SSPN: variants seen among roughly 807,000 people sequenced by gnomAD.
SSPN encodes sarcospan.
In SSPN, 15 loss-of-function variants were observed where a neutral mutation model predicts 19.1. That is an observed-to-expected ratio of 0.78 (90% CI 0.52 to 1.21). The LOEUF (loss-of-function observed/expected upper bound fraction) is 1.21. SSPN is among the 50% of genes most tolerant of loss of function. The pLI, the probability that SSPN is intolerant of heterozygous loss-of-function variation, is 0.00. For synonymous variants in SSPN, 147 were observed against 140.3 expected (o/e 1.05, Z -0.34); for missense variants, 291 against 314.0 (o/e 0.93, Z 0.55).
chr12:26,148,598 A>G (rs760443580), intron 1 of SSPN, among the ~76,000 whole-genome samples: 1 of 152,158 alleles, frequency 6.6e-6, no homozygotes, highest in African/African-American at 2.4e-5. Context: ...TGCATTCTAT[A>G]ATATTTTAAC....
intron 1 of SSPN, among the ~76,000 whole-genome samples, chr12:26,178,347 ATGTG>A (rs138659783): frequency 6.6e-6 from 1 of 150,988 alleles, no homozygotes; most frequent in South Asian, 2.1e-4. Flanking sequence ...GACTAAATGT[ATGTG>A]TGTGTGTGTG....
In SSPN at chr12:26,122,147, G is replaced by A. The variant is rs1280797423; in HGVS notation, c.-36G>A. On this transcript the variant is annotated 5_prime_UTR_variant, in exon 1 of 3. Coordinates refer to the SSPN transcript ENST00000538142. ...TCCCCGGCTCGCGGGGCCCGGCGAA[G>A]GGCAGGTGGGTGCGGCCGTGCGGGT... 3 of 1,547,406 alleles carry A rather than the reference G, an allele frequency of 1.9e-6. No individual in the cohort carries two copies. The South Asian group carries it at 3.6e-5, about 18-fold the overall frequency.
At chr12:26,209,644 TG>T (rs34732990) in intron 1 of SSPN, among the ~76,000 whole-genome samples, 38,320 of 151,980 alleles carry the variant, frequency 0.25, 5,083 homozygotes, top group Admixed American at 0.37. Flanking sequence ...TTGTTACTGA[TG>T]TTATTTTCAC....
intron 2 of SSPN, among the ~76,000 whole-genome samples, chr12:26,226,164 G>T (rs1427148463): frequency 6.6e-6 from 1 of 152,056 alleles, no homozygotes; most frequent in Non-Finnish European, 1.5e-5. Flanking sequence ...CTCTAAGGTT[G>T]CATGCTACAT....
chr12:26,160,216 CAT>C (rs1345816608), intron 1 of SSPN, among the ~76,000 whole-genome samples: 5 of 152,206 alleles, frequency 3.3e-5, no homozygotes, highest in Non-Finnish European at 5.9e-5. Context: ...AATCCAATAA[CAT>C]AGGGTGACTC....
intron 1 of SSPN, among the ~76,000 whole-genome samples, chr12:26,183,761 T>C (rs1488525170): frequency 6.6e-6 from 1 of 152,222 alleles, no homozygotes; most frequent in East Asian, 1.9e-4. Context: ...AGTTGCTGGC[T>C]GGGCTTTGTA....
At chr12:26,139,117 G>A (rs1944445199) in intron 1 of SSPN, among the ~76,000 whole-genome samples, 1 of 152,068 alleles carries the variant, frequency 6.6e-6, no homozygotes, top group Non-Finnish European at 1.5e-5. Context: ...TATAAATGAT[G>A]TGTAGCAAAA....
rs1945259104 is a variant in SSPN, at chr12:26,233,709, C to G, written c.*2633C>G. 6.6e-6 allele frequency: 1 copy of G among 152,166 alleles called. No homozygotes were observed. Among genetic ancestry groups the G allele is most frequent in the Admixed American group, 6.5e-5 (1 of 15,286 alleles). 9.4% of individuals were successfully genotyped at this position (152,166 alleles called of 1,614,324 possible). On this transcript the variant is annotated 3_prime_UTR_variant, in exon 3 of 3. Transcript: ENST00000242729. The surrounding 1 kb of genome is among the most constrained non-coding windows in gnomAD (Gnocchi z 4.3). ...AAGGCGCCAAGATGGTGACTGTCTCCTCTAAACCACGAAAGAGTAAGATTT... is the reference window on the plus strand; with the variant it reads ...AAGGCGCCAAGATGGTGACTGTCTCGTCTAAACCACGAAAGAGTAAGATTT...
intron 1 of SSPN, among the ~76,000 whole-genome samples, chr12:26,222,680 T>C (rs1316307330): frequency 2.6e-5 from 4 of 152,246 alleles, no homozygotes; most frequent in Non-Finnish European, 4.4e-5. Context: ...CTTTCCAAAA[T>C]TGAATGTGAA....
chr12:26,142,415 G>C (rs1340314770), intron 1 of SSPN, among the ~76,000 whole-genome samples: 2 of 152,164 alleles, frequency 1.3e-5, no homozygotes, highest in African/African-American at 4.8e-5. Context: ...CGTTCCATGG[G>C]ATTGGTGACC....
intron 1 of SSPN, among the ~76,000 whole-genome samples, chr12:26,135,948 A>G (rs1476000806): frequency 1.3e-5 from 2 of 152,234 alleles, no homozygotes; most frequent in Admixed American, 6.5e-5. Flanking sequence ...AATGAAATAG[A>G]CATATCTCAT....
intron 1 of SSPN, among the ~76,000 whole-genome samples, chr12:26,168,702 G>A (rs974192808): frequency 1.3e-5 from 2 of 152,200 alleles, no homozygotes. Context: ...CCACGGTTGT[G>A]ATTCAGATAT....
At chr12:26,141,203 G>A (rs1216751173) in intron 1 of SSPN, among the ~76,000 whole-genome samples, 1 of 152,198 alleles carries the variant, frequency 6.6e-6, no homozygotes, top group African/African-American at 2.4e-5. Flanking sequence ...GTGGAAGCAG[G>A]AGGCAGAAGA....
intron 1 of SSPN, among the ~76,000 whole-genome samples, chr12:26,188,797 C>T (rs1944769788): frequency 6.6e-6 from 1 of 152,168 alleles, no homozygotes; most frequent in Admixed American, 6.5e-5. Context: ...ACTCATGGGA[C>T]TTATGGTCAG....
At chr12:26,136,252 G>C (rs749363573) in intron 1 of SSPN, among the ~76,000 whole-genome samples, 19 of 152,168 alleles carry the variant, frequency 1.2e-4, no homozygotes, top group Non-Finnish European at 2.6e-4. Context: ...GAGCACCCAA[G>C]GATTTTGGTA....
At chr12:26,160,398 C>A (rs1944580736) in intron 1 of SSPN, among the ~76,000 whole-genome samples, 1 of 152,156 alleles carries the variant, frequency 6.6e-6, no homozygotes, top group Admixed American at 6.5e-5. Flanking sequence ...TTTTTCTTTG[C>A]AGGTCAAAGT....
At chr12:26,205,775 C>A (rs1288604378) in intron 1 of SSPN, among the ~76,000 whole-genome samples, 1 of 152,208 alleles carries the variant, frequency 6.6e-6, no homozygotes, top group Non-Finnish European at 1.5e-5. Context: ...TGACCGCATA[C>A]AGAATTCTGT....
intron 1 of SSPN, among the ~76,000 whole-genome samples, chr12:26,205,298 C>A (rs201683780): frequency 1.3e-5 from 2 of 152,068 alleles, no homozygotes; most frequent in African/African-American, 4.8e-5. Flanking sequence ...ATTAAAAACC[C>A]CTTTAAGATA....
At chr12:26,123,005 G>A in intron 1 of SSPN, 1 of 1,568,332 alleles carries the variant, frequency 6.4e-7, no homozygotes, top group Non-Finnish European at 8.6e-7. Context: ...AGAACTGGGT[G>A]GCCACGGCGT....
Sources: gnomAD v4.1 joint callset for allele counts (sites outside exome capture counted in the v4.1 genomes callset) on GRCh38, gnomAD v4.1.1 for gene constraint, Gnocchi (gnomAD v3.1) non-coding constraint, MANE v1.5 for transcripts, NCBI Gene and HGNC (gene_info 2026-07-23, HGNC 2026-07-21) for gene names.